KCNH7: variants seen among roughly 807,000 people sequenced by gnomAD.
The protein encoded by KCNH7 is potassium voltage-gated channel subfamily H member 7, also known as voltage-gated inwardly rectifying potassium channel KCNH7.
Under a neutral mutation model 120.8 loss-of-function variants are expected in KCNH7, and 49 were observed. The observed-to-expected ratio is 0.41, with a 90% CI of 0.32 to 0.51. The LOEUF is 0.51. Among genes scored for constraint, KCNH7 ranks in the 20% least tolerant of loss-of-function variants. The probability of loss-of-function intolerance (pLI) is 0.38; values close to 1 mark genes in which losing one functional copy is unlikely to be tolerated. For synonymous variants in KCNH7, 547 were observed against 516.1 expected, an observed-to-expected ratio of 1.06 and a Z score of -0.81; for missense variants, 1,097 against 1,446.6, an observed-to-expected ratio of 0.76 and a Z score of 3.92.
At chr2:162,438,906 G>A (rs1291287174) in intron 7 of KCNH7, among the ~76,000 whole-genome samples, 2 of 152,110 alleles carry the variant, frequency 1.3e-5, no homozygotes, top group African/African-American at 4.8e-5. Flanking sequence ...TAAAATCTAA[G>A]AGAGAGTAGA....
chr2:162,552,121 T>C (rs1159048302), intron 2 of KCNH7, among the ~76,000 whole-genome samples: 1 of 152,160 alleles, frequency 6.6e-6, no homozygotes, highest in Admixed American at 6.5e-5. Context: ...CATTAGACAA[T>C]GATGATGTTC....
intron 9 of KCNH7, among the ~76,000 whole-genome samples, chr2:162,413,450 G>A (rs919327544): frequency 3.3e-5 from 5 of 152,062 alleles, no homozygotes; most frequent in Non-Finnish European, 7.4e-5. Context: ...ACTACACTGA[G>A]TGGACAAATA....
intron 2 of KCNH7, among the ~76,000 whole-genome samples, chr2:162,682,483 T>C (rs1023702714): frequency 6.6e-6 from 1 of 151,780 alleles, no homozygotes; most frequent in African/African-American, 2.4e-5. Flanking sequence ...ATAGTACTCA[T>C]ATCTAACACA....
In KCNH7 at chr2:162,446,254, T is replaced by C. The variant is rs755417178; in HGVS notation, c.1318A>G (p.Lys440Glu). ...AFLLNDREEQ[K>E]RRECGYSCSP... Reference sequence around the variant, plus strand: ...CAAGAATAGCCACATTCTCGTCTTTTCTGTTCTTCTCTGTCATTGAGGAGG... The same window carrying C: ...CAAGAATAGCCACATTCTCGTCTTTCCTGTTCTTCTCTGTCATTGAGGAGG... The change falls in exon 7 of 16, where the codon AAA becomes GAA. Residue 440 changes from lysine (K) to glutamate (E), a missense_variant. Physicochemically the swap from Lys to Glu is moderately conservative, Grantham distance 56. This residue lies in a region of KCNH7 where 109 missense variants were observed against 196.8 expected (regional missense o/e 0.55). Transcript: ENST00000332142. 1.2e-6 allele frequency: 2 copies of C among 1,613,970 alleles called. No homozygotes were observed. The highest frequency in any genetic ancestry group is 1.7e-6 in the Non-Finnish European group (2 of 1,179,878).
chr2:162,773,993 G>A (rs531729521), intron 2 of KCNH7, among the ~76,000 whole-genome samples: 17 of 151,998 alleles, frequency 1.1e-4, no homozygotes, highest in African/African-American at 4.1e-4. Context: ...TAAAATCATT[G>A]TTTGTTAAAG....
chr2:162,442,051 C>A (rs1688438170), intron 7 of KCNH7, among the ~76,000 whole-genome samples: 2 of 101,464 alleles, frequency 2.0e-5, no homozygotes, highest in Admixed American at 3.2e-4. Flanking sequence ...GAGTCTCGCT[C>A]TTTCGCCCAG....
At chr2:162,707,577 G>A (rs1271729819) in intron 2 of KCNH7, among the ~76,000 whole-genome samples, 1 of 151,986 alleles carries the variant, frequency 6.6e-6, no homozygotes, top group African/African-American at 2.4e-5. Context: ...GAACAAAGGT[G>A]GTGTCTGTGA....
At position 162,807,264 on chromosome 2, in the gene KCNH7, A is replaced by AC. The variant is rs1427482943; in HGVS notation, c.307+29272_307+29273insG. Reference sequence around the variant, plus strand: ...CATCTCCACTAAAAATACAAAAAAAAAAAAAAAAAAAAAAAAAAACAAATT... The same window carrying AC: ...CATCTCCACTAAAAATACAAAAAAAACAAAAAAAAAAAAAAAAAAACAAATT... On this transcript the variant is annotated intron_variant, in intron 2 of 15. Transcript: ENST00000332142. Among the ~76,000 whole-genome samples, 191 of 126,198 alleles carry AC rather than the reference A, an allele frequency of 1.5e-3. 5 individuals are homozygous for AC. The highest frequency in any genetic ancestry group is 2.1e-3 in the Non-Finnish European group (127 of 59,634). 82.8% of individuals were successfully genotyped at this position (126,198 alleles called of 152,430 possible).
At chr2:162,426,034 C>T (rs1687850325) in intron 8 of KCNH7, among the ~76,000 whole-genome samples, 1 of 151,798 alleles carries the variant, frequency 6.6e-6, no homozygotes. Context: ...GGCAAGATGG[C>T]AAAACCCCAT....
chr2:162,657,007 G>T (rs1357610779), intron 2 of KCNH7, among the ~76,000 whole-genome samples: 1 of 152,132 alleles, frequency 6.6e-6, no homozygotes, highest in African/African-American at 2.4e-5. Context: ...ATGCAAAACT[G>T]CCACTTAAAT....
At chr2:162,826,477 T>G (rs1685290549) in intron 2 of KCNH7, among the ~76,000 whole-genome samples, 1 of 152,136 alleles carries the variant, frequency 6.6e-6, no homozygotes, top group Admixed American at 6.6e-5. Flanking sequence ...TATGTCTTTT[T>G]ATAATGAGTT....
At chr2:162,643,889 T>C in intron 2 of KCNH7, among the ~76,000 whole-genome samples, 1 of 151,556 alleles carries the variant, frequency 6.6e-6, no homozygotes, top group Non-Finnish European at 1.5e-5. Flanking sequence ...AGGTAAGAGT[T>C]GTCTGGACCT....
At chr2:162,696,619 CT>C (rs1245820456) in intron 2 of KCNH7, among the ~76,000 whole-genome samples, 2 of 151,690 alleles carry the variant, frequency 1.3e-5, no homozygotes, top group Non-Finnish European at 2.9e-5. Context: ...GAACTGTGGC[CT>C]TTTCCATAAA....
chr2:162,537,205 TA>T, intron 2 of KCNH7, 125 bp from the exon 3 acceptor site: 1 of 681,988 alleles, frequency 1.5e-6, no homozygotes. Context: ...TATTAAAAAA[TA>T]ATTTGATCTT....
At chr2:162,723,570 C>T (rs955798789) in intron 2 of KCNH7, among the ~76,000 whole-genome samples, 11 of 152,164 alleles carry the variant, frequency 7.2e-5, no homozygotes, top group African/African-American at 2.7e-4. Flanking sequence ...CTTTGCTAAC[C>T]TATCCTACTA....
chr2:162,818,750 C>A (rs1685001444), intron 2 of KCNH7, among the ~76,000 whole-genome samples: 1 of 152,126 alleles, frequency 6.6e-6, no homozygotes, highest in Non-Finnish European at 1.5e-5. Context: ...ATAAGTCTTG[C>A]ACATTTTTGT....
intron 2 of KCNH7, among the ~76,000 whole-genome samples, chr2:162,765,315 T>C (rs1258114572): frequency 6.6e-6 from 1 of 152,208 alleles, no homozygotes; most frequent in East Asian, 1.9e-4. Context: ...TCTTCTTGCC[T>C]AAATATTAAA....
At chr2:162,566,872 G>A (rs1693274465) in intron 2 of KCNH7, among the ~76,000 whole-genome samples, 1 of 152,018 alleles carries the variant, frequency 6.6e-6, no homozygotes, top group Admixed American at 6.6e-5. Flanking sequence ...CCACCTGGAT[G>A]GGTGATTGTC....
intron 2 of KCNH7, among the ~76,000 whole-genome samples, chr2:162,673,320 C>T (rs1455373080): frequency 1.3e-5 from 2 of 152,100 alleles, no homozygotes; most frequent in Non-Finnish European, 2.9e-5. Context: ...CAAATCATAT[C>T]TAGCAATGTA....
Sources: gnomAD v4.1 joint callset for allele counts (sites outside exome capture counted in the v4.1 genomes callset) on GRCh38, gnomAD v4.1.1 for gene constraint, gnomAD v4.1.1 regional missense constraint, MANE v1.5 for transcripts, NCBI Gene and HGNC (gene_info 2026-07-23, HGNC 2026-07-21) for gene names.